The following SPECC1L variants were observed in gnomAD, a reference collection of about 807,000 sequenced individuals.
SPECC1L encodes sperm antigen with calponin homology and coiled-coil domains 1 like, also known as cytospin-A.
SPECC1L carries 40 observed loss-of-function variants against 116.8 expected under a neutral mutation model. That is an observed-to-expected ratio of 0.34 (90% CI 0.27 to 0.45). The LOEUF (loss-of-function observed/expected upper bound fraction) is 0.45. SPECC1L is among the 20% of genes least tolerant of loss of function. The pLI is 1.00. For missense variants in SPECC1L, 1,110 were observed against 1,373.6 expected, an observed-to-expected ratio of 0.81 and a Z score of 3.03; for synonymous variants, 504 against 500.6, an observed-to-expected ratio of 1.01 and a Z score of -0.09.
intron 2 of SPECC1L, among the ~76,000 whole-genome samples, chr22:24,277,620 C>A (rs1325640370): frequency 2.0e-5 from 3 of 151,956 alleles, no homozygotes; most frequent in Non-Finnish European, 2.9e-5. Flanking sequence ...ATGTAAATGG[C>A]ATCATACAAC....
chr22:24,352,764 C>A (rs1301344979), intron 11 of SPECC1L, among the ~76,000 whole-genome samples: 1 of 152,158 alleles, frequency 6.6e-6, no homozygotes, highest in East Asian at 1.9e-4. Flanking sequence ...TTTAGTCACT[C>A]CCCCTTCTTC....
intron 2 of SPECC1L, among the ~76,000 whole-genome samples, chr22:24,284,781 C>G (rs1363234022): frequency 6.6e-6 from 1 of 152,104 alleles, no homozygotes; most frequent in Non-Finnish European, 1.5e-5. Flanking sequence ...ATTATCCCAT[C>G]TTTAAAAAGC....
rs76585389 is a variant in SPECC1L, at chr22:24,350,615, A to G, written c.2743+3439A>G. ...GCCTGCAGGATTTTGCTTAGCTGCC[A>G]GCAAATAACTAAAGCACCTACACAA... On this transcript the variant is annotated intron_variant, in intron 11 of 16. Coordinates refer to ENST00000314328, the MANE Select transcript of SPECC1L (RefSeq NM_015330.6). Among the ~76,000 whole-genome samples, 15 of 152,354 alleles carry G rather than the reference A, an allele frequency of 9.8e-5. No individual in the cohort carries two copies. In the East Asian group the frequency reaches 2.7e-3, roughly 27 times the overall value.
At chr22:24,384,584 A>G (rs1171117607) in intron 14 of SPECC1L, among the ~76,000 whole-genome samples, 1 of 152,202 alleles carries the variant, frequency 6.6e-6, no homozygotes, top group East Asian at 1.9e-4. Context: ...TGAATTGTTC[A>G]GGAGGTTAGG....
chr22:24,389,079 G>A (rs1166619316), intron 14 of SPECC1L, among the ~76,000 whole-genome samples: 4 of 146,180 alleles, frequency 2.7e-5, no homozygotes, highest in African/African-American at 5.1e-5. Context: ...CACGTGGCAT[G>A]TGTTAGTACT....
In SPECC1L at chr22:24,327,193, G is replaced by A. The variant is rs190756148; in HGVS notation, c.2147-1653G>A. 2.1e-3 allele frequency among the ~76,000 whole-genome samples: 311 copies of A among 146,010 alleles called. 1 individual carries two copies. The highest frequency in any genetic ancestry group is 7.4e-3 in the African/African-American group (294 of 39,828). ...CACAGGAGGCTGAGGCAGGAGAATCGCTTGAACCCAGGGGGCAGAGGTTGC... is the reference window on the plus strand; with the variant it reads ...CACAGGAGGCTGAGGCAGGAGAATCACTTGAACCCAGGGGGCAGAGGTTGC... On this transcript the variant is annotated intron_variant, in intron 6 of 16. Coordinates refer to ENST00000314328, the MANE Select transcript of SPECC1L (RefSeq NM_015330.6).
chr22:24,310,440 C>T (rs970438008), intron 3 of SPECC1L, among the ~76,000 whole-genome samples: 11 of 152,196 alleles, frequency 7.2e-5, no homozygotes, highest in Admixed American at 1.3e-4. Context: ...TGCATGATTC[C>T]TTTCATAAGG....
intron 4 of SPECC1L, 133 bp downstream of exon 4, chr22:24,313,599 C>A: frequency 3.0e-6 from 3 of 999,588 alleles, no homozygotes; most frequent in South Asian, 1.4e-5. Flanking sequence ...GATATTTCAG[C>A]CCAATACGCT....
intron 14 of SPECC1L, among the ~76,000 whole-genome samples, chr22:24,395,538 AG>A (rs35962572): frequency 0.39 from 60,053 of 152,084 alleles, 12,961 homozygotes; most frequent in Non-Finnish European, 0.48. Context: ...GAAAAGACAG[AG>A]GAAGAAGAGC....
intron 6 of SPECC1L, among the ~76,000 whole-genome samples, chr22:24,326,142 A>T (rs1352969893): frequency 6.6e-6 from 1 of 152,140 alleles, no homozygotes. Context: ...TAGTAGAGAC[A>T]GGGTTTCACC....
chr22:24,311,720 A>G (rs1024617558), intron 3 of SPECC1L, among the ~76,000 whole-genome samples: 1 of 149,718 alleles, frequency 6.7e-6, no homozygotes, highest in African/African-American at 2.5e-5. Context: ...TGGGAGAATC[A>G]CTTGTACCCG....
At chr22:24,328,775 C>A in intron 6 of SPECC1L, 71 bp from the exon 7 acceptor site, 1 of 1,184,202 alleles carries the variant, frequency 8.4e-7, no homozygotes, top group Admixed American at 1.9e-5. Flanking sequence ...ATTTAAGTAT[C>A]CCTTTTCTTT....
At chr22:24,296,609 C>T (rs1406700985) in intron 2 of SPECC1L, among the ~76,000 whole-genome samples, 89 of 151,670 alleles carry the variant, frequency 5.9e-4, no homozygotes, top group Non-Finnish European at 9.9e-4. Context: ...TCCCCTTCTC[C>T]AAGACACTGG....
intron 2 of SPECC1L, among the ~76,000 whole-genome samples, chr22:24,294,499 A>G (rs1251433328): frequency 6.7e-6 from 1 of 150,250 alleles, no homozygotes; most frequent in Non-Finnish European, 1.5e-5. Context: ...CTTCTGCCTC[A>G]GCCTCCCAAT....
chr22:24,326,757 A>T (rs2040829887), intron 6 of SPECC1L, among the ~76,000 whole-genome samples: 1 of 152,126 alleles, frequency 6.6e-6, no homozygotes, highest in Non-Finnish European at 1.5e-5. Flanking sequence ...GAACCTTTTT[A>T]TTTCACAGGA....
chr22:24,405,931 C>T (rs2042583117), intron 14 of SPECC1L, among the ~76,000 whole-genome samples: 1 of 152,082 alleles, frequency 6.6e-6, no homozygotes, highest in African/African-American at 2.4e-5. Flanking sequence ...TGGGATTTCA[C>T]TGAAGTCCAA....
intron 4 of SPECC1L, among the ~76,000 whole-genome samples, chr22:24,317,444 C>T (rs1343896555): frequency 4.7e-5 from 6 of 127,392 alleles, no homozygotes; most frequent in Non-Finnish European, 8.9e-5. Context: ...GGGGGCTGAC[C>T]CCCCAACCTC....
chr22:24,369,393 T>C, intron 14 of SPECC1L, 73 bp downstream of exon 14: 2 of 1,048,678 alleles, frequency 1.9e-6, no homozygotes, highest in Non-Finnish European at 3.0e-6. Context: ...GCTTACTACG[T>C]GTCACACATT....
intron 6 of SPECC1L, among the ~76,000 whole-genome samples, chr22:24,325,225 T>C (rs1601556391): frequency 6.6e-6 from 1 of 152,342 alleles, no homozygotes; most frequent in East Asian, 1.9e-4. Flanking sequence ...TAGATGGCAG[T>C]GTCCCTCACA....
Sources: gnomAD v4.1 joint callset for allele counts (sites outside exome capture counted in the v4.1 genomes callset) on GRCh38, gnomAD v4.1.1 for gene constraint, MANE v1.5 for transcripts, NCBI Gene and HGNC (gene_info 2026-07-23, HGNC 2026-07-21) for gene names.